PTPN13: variants seen among roughly 807,000 people sequenced by gnomAD.
The protein encoded by PTPN13 is tyrosine-protein phosphatase non-receptor type 13.
PTPN13 carries 191 observed loss-of-function variants against 284.0 expected under a neutral mutation model. The ratio of observed to expected loss-of-function variants is 0.67; its 90% confidence interval spans 0.60 to 0.76. The LOEUF (loss-of-function observed/expected upper bound fraction) is 0.76, where lower values mean the gene tolerates loss of function less well. Ranked by LOEUF, PTPN13 falls within the 30% of genes least tolerant of loss-of-function variation. The pLI, the probability that PTPN13 is intolerant of heterozygous loss-of-function variation, is 0.00. For synonymous variants in PTPN13, 986 were observed against 1,022.3 expected, an observed-to-expected ratio of 0.96 and a Z score of 0.68; for missense variants, 2,797 against 2,939.9, an observed-to-expected ratio of 0.95 and a Z score of 1.12.
At chr4:86,685,182 C>T (rs983178944) in intron 3 of PTPN13, among the ~76,000 whole-genome samples, 2 of 152,106 alleles carry the variant, frequency 1.3e-5, no homozygotes, top group Admixed American at 1.3e-4. Flanking sequence ...TTTTTTTAAT[C>T]TTTAAGAAAC....
At chr4:86,698,166 G>C (rs113977578) in intron 6 of PTPN13, among the ~76,000 whole-genome samples, 2 of 152,122 alleles carry the variant, frequency 1.3e-5, no homozygotes, top group Non-Finnish European at 2.9e-5. Context: ...AGATGTCTTT[G>C]AGAATTTAAA....
intron 42 of PTPN13, among the ~76,000 whole-genome samples, chr4:86,802,384 G>GATAA (rs1201534922): frequency 2.6e-5 from 4 of 152,006 alleles, no homozygotes; most frequent in African/African-American, 9.7e-5. Context: ...ACCTTTTTAT[G>GATAA]GCTGGTTTTG....
chr4:86,764,517 AAAG>A lies in PTPN13; in HGVS notation c.4018-73_4018-71del, dbSNP rs1739058833. The A allele has an allele frequency of 4.3e-6, 5 of 1,165,790 alleles. No homozygotes were observed. The East Asian group carries it at 1.2e-4, about 27-fold the overall frequency. The allele number at this position is 1,165,790 out of a possible 1,614,324, so 72.2% of individuals were successfully genotyped here. A position where few individuals can be genotyped will look rare whatever the true frequency, so the allele number is the denominator to read the frequency against. ...TTTGTCCTGGGCTAGGTTTAAAAAA[AAAG>A]AAATTAAAAAAAGAAAAATTATAAT... On this transcript the variant is annotated intron_variant, in intron 24 of 47. Coordinates refer to ENST00000411767, the MANE Select transcript of PTPN13 (RefSeq NM_080683.3).
chr4:86,600,458 T>TA (rs1491460857), intron 1 of PTPN13, among the ~76,000 whole-genome samples: 16 of 84,532 alleles, frequency 1.9e-4, no homozygotes, highest in African/African-American at 5.7e-4. Flanking sequence ...TTTTTTTTTT[T>TA]ACCTATTCTG....
chr4:86,677,135 C>T (rs1565299819), intron 3 of PTPN13, among the ~76,000 whole-genome samples: 1 of 151,550 alleles, frequency 6.6e-6, no homozygotes. Flanking sequence ...GGCATGGTGG[C>T]GGGCACCAGT....
intron 17 of PTPN13, among the ~76,000 whole-genome samples, chr4:86,745,846 A>AGGGAAATCAGAGAC (rs1397650376): frequency 6.6e-6 from 1 of 152,162 alleles, no homozygotes; most frequent in Non-Finnish European, 1.5e-5. Flanking sequence ...CTGTTAGAAG[A>AGGGAAATCAGAGAC]GGGAAATCAG....
chr4:86,676,894 T>C (rs1038443510), intron 3 of PTPN13, among the ~76,000 whole-genome samples: 2 of 151,924 alleles, frequency 1.3e-5, no homozygotes, highest in East Asian at 3.9e-4. Flanking sequence ...GTTTAATGAG[T>C]ATAGAGTTTT....
At chr4:86,799,288 G>T (rs1743711025) in intron 42 of PTPN13, 84 bp downstream of exon 42, 5 of 800,202 alleles carry the variant, frequency 6.2e-6, no homozygotes, top group Non-Finnish European at 7.6e-6. Flanking sequence ...ATATGGATAT[G>T]CTGTTTTACC....
intron 2 of PTPN13, among the ~76,000 whole-genome samples, chr4:86,658,007 C>T (rs946503775): frequency 1.3e-5 from 2 of 152,174 alleles, no homozygotes; most frequent in Non-Finnish European, 2.9e-5. Flanking sequence ...TAGTGCAGCA[C>T]CAGCGTTTGC....
chr4:86,761,342 T>C (rs1422491139), intron 23 of PTPN13, among the ~76,000 whole-genome samples: 2 of 151,978 alleles, frequency 1.3e-5, no homozygotes, highest in Admixed American at 1.3e-4. Flanking sequence ...TTTTCTTCTA[T>C]TGTTATGTAT....
In PTPN13 at chr4:86,730,070, A is replaced by G. The variant is rs569882424; in HGVS notation, c.1609-2330A>G. 1.9e-4 allele frequency among the ~76,000 whole-genome samples: 29 copies of G among 149,620 alleles called. 3 individuals carry two copies. Among genetic ancestry groups the G allele is most frequent in the Non-Finnish European group, 3.3e-4 (22 of 66,632 alleles). ...CTTTCTGTTTGTTAATTTTTCTTCT[A>G]ATAGTCAGATCCCTCAGCTGCAGGT... On this transcript the variant is annotated intron_variant, in intron 10 of 47. Coordinates refer to ENST00000411767, the MANE Select transcript of PTPN13 (RefSeq NM_080683.3).
intron 1 of PTPN13, among the ~76,000 whole-genome samples, chr4:86,633,778 G>T (rs1353942003): frequency 2.0e-5 from 3 of 152,126 alleles, no homozygotes; most frequent in Non-Finnish European, 4.4e-5. Context: ...CATATCTTTA[G>T]AAAGGAATGA....
chr4:86,787,299 CTG>C (rs1742044920), intron 40 of PTPN13, among the ~76,000 whole-genome samples: 1 of 151,932 alleles, frequency 6.6e-6, no homozygotes, highest in South Asian at 2.1e-4. Context: ...ATCTTCAAAA[CTG>C]TTAAGTCCTA....
chr4:86,606,462 T>C (rs1183349647), intron 1 of PTPN13, among the ~76,000 whole-genome samples: 2 of 151,880 alleles, frequency 1.3e-5, no homozygotes, highest in Non-Finnish European at 3.0e-5. Flanking sequence ...TAAAATTAAT[T>C]GTAAGTGCTT....
chr4:86,712,950 A>G (rs1449887664), intron 7 of PTPN13, among the ~76,000 whole-genome samples: 3 of 152,034 alleles, frequency 2.0e-5, no homozygotes, highest in Non-Finnish European at 4.4e-5. Flanking sequence ...TATAAGAACA[A>G]TTATAAAGTA....
chr4:86,751,190 A>C, intron 19 of PTPN13, 66 bp downstream of exon 19: 14 of 1,141,594 alleles, frequency 1.2e-5, no homozygotes, highest in African/African-American at 1.6e-5. Context: ...GAACAAGATC[A>C]TCTTAATTAT....
chr4:86,717,498 A>C (rs77435989), intron 9 of PTPN13, among the ~76,000 whole-genome samples: 5,556 of 152,020 alleles, frequency 0.037, 352 homozygotes, highest in African/African-American at 0.13. Flanking sequence ...TTTTTTTACT[A>C]TCCTTTTTCC....
chr4:86,782,721 T>C (rs1238135251), intron 37 of PTPN13, among the ~76,000 whole-genome samples: 1 of 152,194 alleles, frequency 6.6e-6, no homozygotes, highest in Non-Finnish European at 1.5e-5. Flanking sequence ...GTAGGTTTAC[T>C]TGCTTTTGAA....
At position 86,745,025 on chromosome 4, in the gene PTPN13, C is replaced by A. The variant is rs762990203; in HGVS notation, c.2547C>A (p.Asp849Glu). Residue 849 changes from aspartate (D) to glutamate (E), a missense_variant, in exon 17 of 48, where the codon GAC (aspartate) becomes GAA (glutamate). Transcript: ENST00000411767. The stretch of plus-strand genomic sequence containing the variant: ...GAATAAAACATGGCTTCCAGACAGA[C>A]AACAGTAAGATATGCCAGTACCTGC... ...SDGIKHGFQT[D>E]NSKICQYLLH... 3 of 1,605,704 alleles carry A rather than the reference C, an allele frequency of 1.9e-6. No individual in the cohort carries two copies. The highest frequency in any genetic ancestry group is 2.6e-6 in the Non-Finnish European group (3 of 1,175,760).
Sources: gnomAD v4.1 joint callset for allele counts (sites outside exome capture counted in the v4.1 genomes callset) on GRCh38, gnomAD v4.1.1 for gene constraint, MANE v1.5 for transcripts, NCBI Gene and HGNC (gene_info 2026-07-23, HGNC 2026-07-21) for gene names.